The following TTI2 variants were observed in gnomAD, a reference collection of about 807,000 sequenced individuals.
TTI2 encodes TELO2 interacting protein 2, also known as TELO2-interacting protein 2.
In TTI2, 26 loss-of-function variants were observed where a neutral mutation model predicts 44.9. The ratio of observed to expected loss-of-function variants is 0.58; its 90% CI spans 0.42 to 0.80. The LOEUF (loss-of-function observed/expected upper bound fraction) is 0.80. Among genes scored for constraint, TTI2 ranks in the 30% least tolerant of loss-of-function variants. TTI2 has a pLI of 0.00. For missense variants in TTI2, 582 were observed against 611.6 expected (o/e 0.95, Z 0.51); for synonymous variants, 254 against 250.9 (o/e 1.01, Z -0.12).
Position 33,512,216 on chromosome 8 carries a change from G to T in TTI2, c.398C>A (p.Ser133Tyr). 1 of 1,614,152 alleles carries T rather than the reference G, an allele frequency of 6.2e-7. No individual in the cohort carries two copies. The highest frequency in any genetic ancestry group is 8.5e-7 in the Non-Finnish European group (1 of 1,180,032). Residue 133 changes from serine to tyrosine, a missense_variant, in exon 2 of 8, where the codon TCC becomes TAC. Coordinates refer to ENST00000431156, the MANE Select transcript of TTI2 (RefSeq NM_001102401.4). ...CGTCTGCCATGCAGGGCCGACCAGG[G>T]AATTCTTAGCAGTCTCAACTTTCCC... ...LLGKVETAKN[S>Y]LVGPAWQTGL...
chr8:33,511,683 T>A (rs1011890838), intron 2 of TTI2, among the ~76,000 whole-genome samples: 4 of 150,036 alleles, frequency 2.7e-5, no homozygotes, highest in African/African-American at 4.9e-5. Flanking sequence ...AGGTCAAGAG[T>A]TCAAGACCAG....
chr8:33,508,362 G>A (rs933229654), intron 3 of TTI2, among the ~76,000 whole-genome samples: 1 of 151,954 alleles, frequency 6.6e-6, no homozygotes, highest in African/African-American at 2.4e-5. Context: ...AGCACTTTAG[G>A]AGGCCGAGGT....
chr8:33,509,397 A>C (rs1240935643), intron 3 of TTI2, among the ~76,000 whole-genome samples: 1 of 145,190 alleles, frequency 6.9e-6, no homozygotes, highest in African/African-American at 2.6e-5. Context: ...TGGAGGTTGC[A>C]GTGGGACAAG....
In TTI2 at chr8:33,508,949, G is replaced by A. The variant is rs562599627; in HGVS notation, c.834+797C>T. Among the ~76,000 whole-genome samples, 395 of 151,632 alleles carry A rather than the reference G, an allele frequency of 2.6e-3. 1 individual carries two copies. Among genetic ancestry groups the A allele is most frequent in the Non-Finnish European group, 5.1e-3 (343 of 67,890 alleles). On this transcript the variant is annotated intron_variant, in intron 3 of 7. Transcript: ENST00000431156. ...CTGAGGTCAGGAGTTCGAGACGGAC[G>A]TGGCCAATATGGTGAAACCCCATTT...
rs746962056 is a variant in TTI2 at position 33,507,224 on chromosome 8, A to G, written c.927+5T>C. ...GACCCAGTTATGAAGAAATCATACT[A>G]TTACCTGAATGAGGTGGTGCTCTGG... On this transcript the variant is annotated splice_donor_5th_base_variant and intron_variant, in intron 4 of 7. Transcript: ENST00000431156. 2 of 1,612,886 alleles carry G rather than the reference A, an allele frequency of 1.2e-6. No homozygotes were observed. The highest frequency in any genetic ancestry group is 4.5e-5 in the East Asian group (2 of 44,886).
intron 3 of TTI2, among the ~76,000 whole-genome samples, chr8:33,508,187 T>C (rs1417535937): frequency 7.1e-6 from 1 of 140,428 alleles, no homozygotes; most frequent in African/African-American, 2.6e-5. Flanking sequence ...TTCTTCAGAA[T>C]ACTCTCTCTT....
chr8:33,503,762 C>T lies in TTI2; in HGVS notation c.1101G>A (p.Pro367=), dbSNP rs17850186. Residue 367 remains proline, a synonymous_variant, in exon 5 of 8, where the codon CCG becomes CCA. Transcript: ENST00000431156. The part of the protein sequence containing the change: ...LLRRTYARNL[P]AFVNRLGILT... Reference sequence around the variant, plus strand: ...CAGGGCCTCACCTGTTCACGAAAGCCGGCAGGTTTCTTGCGTAGGTCCTGC... The same window carrying T: ...CAGGGCCTCACCTGTTCACGAAAGCTGGCAGGTTTCTTGCGTAGGTCCTGC... The T allele has an allele frequency of 0.019, 30,559 of 1,613,630 alleles. 359 individuals are homozygous for T. The highest frequency in any genetic ancestry group is 0.031 in the Middle Eastern group (179 of 5,830).
Position 33,502,859 on chromosome 8 carries a change from G to A in TTI2, c.1259+570C>T, listed in dbSNP as rs576911637. The stretch of plus-strand genomic sequence containing the variant: ...AAACAAAAACAAAAGGCTGGGCATG[G>A]TGGCTCACGCCTGTAACCCCAGCAC... On this transcript the variant is annotated intron_variant, in intron 6 of 7. Coordinates refer to ENST00000431156, the MANE Select transcript of TTI2 (RefSeq NM_001102401.4). Among the ~76,000 whole-genome samples the A allele has an allele frequency of 1.3e-3, 198 of 151,586 alleles. 1 individual carries two copies. Among genetic ancestry groups the A allele is most frequent in the African/African-American group, 4.7e-3 (193 of 41,308 alleles).
Position 33,512,284 on chromosome 8 carries a change from G to T in TTI2, c.330C>A (p.Ala110=), listed in dbSNP as rs369659564. Residue 110 remains alanine, a synonymous_variant, in exon 2 of 8, where the codon GCC becomes GCA. Coordinates refer to ENST00000431156, the MANE Select transcript of TTI2 (RefSeq NM_001102401.4). ...EGGGDGHSEA[A]EKAAQVGLLF... is the part of the protein sequence containing the mutation. ...GTAACCCAACTTGGGCTGCTTTCTC[G>T]GCCGCTTCGGAGTGCCCATCACCTC... 6.2e-7 allele frequency: 1 copy of T among 1,614,094 alleles called. No homozygotes were observed. The highest frequency in any genetic ancestry group is 1.7e-5 in the Admixed American group (1 of 60,008).
At chr8:33,502,771 A>G (rs1337692254) in intron 6 of TTI2, among the ~76,000 whole-genome samples, 2 of 150,402 alleles carry the variant, frequency 1.3e-5, no homozygotes, top group East Asian at 2.0e-4. Context: ...GGTTGCAGTG[A>G]GCTGAGATCG....
intron 6 of TTI2, chr8:33,500,708 C>T (rs1809045306): frequency 1.9e-6 from 1 of 518,654 alleles, no homozygotes; most frequent in South Asian, 2.1e-5. Context: ...ACAGACACAC[C>T]CTCTGCCACA....
In TTI2 at chr8:33,512,442, G is replaced by A; in HGVS notation, c.172C>T (p.Leu58=). The A allele has an allele frequency of 6.2e-7, 1 of 1,614,074 alleles. No individual in the cohort carries two copies. Among genetic ancestry groups the A allele is most frequent in the Non-Finnish European group, 8.5e-7 (1 of 1,179,954 alleles). ...KDAVLKDLGD[L]IEATEFDRLF... ...CTATCAAATTCTGTGGCTTCTATTA[G>A]ATCACCGAGGTCTTTAAGAACTGCA... is the stretch of plus-strand genomic sequence containing the variant. Residue 58 remains leucine (L), a synonymous_variant, in exon 2 of 8, where the codon CTA becomes TTA. Coordinates refer to ENST00000431156, the MANE Select transcript of TTI2 (RefSeq NM_001102401.4).
At position 33,500,573 on chromosome 8, in the gene TTI2, A is replaced by G. The variant is rs1468976969; in HGVS notation, c.1260-83T>C. On this transcript the variant is annotated intron_variant, in intron 6 of 7. Coordinates refer to ENST00000431156, the MANE Select transcript of TTI2 (RefSeq NM_001102401.4). ...GAGACTTCAAAGACTGTCAAGTGGA[A>G]AGCTATCATTTCCTAAATTAAGGAA... 14 of 1,528,312 alleles carry G rather than the reference A, an allele frequency of 9.2e-6. No homozygotes were observed. In the Admixed American group the frequency reaches 2.6e-4, roughly 29 times the overall value. 94.7% of individuals were successfully genotyped at this position (1,528,312 alleles called of 1,614,324 possible). A position where few individuals can be genotyped will look rare whatever the true frequency, so the allele number is the denominator to read the frequency against.
At chr8:33,502,269 T>C (rs1809111205) in intron 6 of TTI2, among the ~76,000 whole-genome samples, 1 of 152,168 alleles carries the variant, frequency 6.6e-6, no homozygotes, top group African/African-American at 2.4e-5. Context: ...TGATCACTGC[T>C]CTGCAGATGT....
At chr8:33,503,308 A>C (rs910212728) in intron 6 of TTI2, 121 bp downstream of exon 6, 2 of 1,382,376 alleles carry the variant, frequency 1.4e-6, no homozygotes, top group African/African-American at 2.9e-5. Flanking sequence ...AGGTGTGTGA[A>C]AATGGGAGGT....
Position 33,507,298 on chromosome 8 carries a change from A to T in TTI2, c.858T>A (p.Tyr286Ter). Reference sequence around the variant, plus strand: ...CATGGTATAGGACCTGGGCTCTGTTATACTGGAGCAAATCAGCAGCTGGCT... The same window carrying T: ...CATGGTATAGGACCTGGGCTCTGTTTTACTGGAGCAAATCAGCAGCTGGCT... ...LNVPAADLLQ[Y>*]NRAQVLYHAI... Residue 286 changes from tyrosine (Y) to a stop codon, truncating the protein, a stop_gained, in exon 4 of 8, where the codon TAT becomes TAA. Transcript: ENST00000431156. LOFTEE classifies it high-confidence loss of function. 2 of 1,614,232 alleles carry T rather than the reference A, an allele frequency of 1.2e-6. No homozygotes were observed. The highest frequency in any genetic ancestry group is 1.7e-6 in the Non-Finnish European group (2 of 1,180,026).
At chr8:33,504,232 G>C (rs564164543) in intron 4 of TTI2, among the ~76,000 whole-genome samples, 1 of 146,142 alleles carries the variant, frequency 6.8e-6, no homozygotes, top group Non-Finnish European at 1.5e-5. Context: ...AGGAATCTAA[G>C]TCTACTGTTA....
At chr8:33,507,079 T>C in intron 4 of TTI2, 150 bp downstream of exon 4, 1 of 696,480 alleles carries the variant, frequency 1.4e-6, no homozygotes, top group Non-Finnish European at 2.5e-6. Context: ...TGCTTGGTGC[T>C]GAGATATTTT....
chr8:33,505,461 C>T (rs1323090231), intron 4 of TTI2, among the ~76,000 whole-genome samples: 1 of 151,416 alleles, frequency 6.6e-6, no homozygotes, highest in Non-Finnish European at 1.5e-5. Context: ...TAGTTAGTTA[C>T]CTATTGCTTG....
Sources: allele counts gnomAD v4.1 joint callset (sites outside exome capture counted in the v4.1 genomes callset), GRCh38; gene constraint gnomAD v4.1.1; transcripts MANE v1.5; gene names NCBI Gene and HGNC (gene_info 2026-07-23, HGNC 2026-07-21).